DEPTOR: variants seen among roughly 807,000 people sequenced by gnomAD.
The protein encoded by DEPTOR is DEP domain containing MTOR interacting protein.
In DEPTOR, 41 loss-of-function variants were observed where a neutral mutation model predicts 41.6. The ratio of observed to expected loss-of-function variants is 0.98; its 90% CI spans 0.77 to 1.28. The LOEUF (loss-of-function observed/expected upper bound fraction) is 1.28. Among genes scored for constraint, DEPTOR ranks in the 50% most tolerant of loss-of-function variants. The pLI is 0.00. For missense variants in DEPTOR, 514 were observed against 527.9 expected, an observed-to-expected ratio of 0.97 and a Z score of 0.26; for synonymous variants, 195 against 192.3, an observed-to-expected ratio of 1.01 and a Z score of -0.12.
At chr8:120,002,938 A>G (rs1812376659) in intron 5 of DEPTOR, 39 bp from the exon 6 acceptor site, 24 of 1,542,498 alleles carry the variant, frequency 1.6e-5, no homozygotes, top group Non-Finnish European at 2.1e-5. Flanking sequence ...AGCCGAGACC[A>G]CCCCCTTGGT....
At chr8:119,918,493 T>C (rs905830861) in intron 1 of DEPTOR, among the ~76,000 whole-genome samples, 5 of 152,056 alleles carry the variant, frequency 3.3e-5, no homozygotes, top group Admixed American at 1.3e-4. Flanking sequence ...CAGATTTCAC[T>C]CTTGTTGCCC....
At chr8:119,916,283 T>G (rs1039296821) in intron 1 of DEPTOR, among the ~76,000 whole-genome samples, 24 of 146,742 alleles carry the variant, frequency 1.6e-4, no homozygotes, top group African/African-American at 3.0e-4. Context: ...TTTTTTTTTT[T>G]TTTTTTTTTT....
intron 3 of DEPTOR, among the ~76,000 whole-genome samples, chr8:119,935,448 C>T (rs10109920): frequency 0.049 from 7,402 of 152,188 alleles, 273 homozygotes; most frequent in South Asian, 0.15. Context: ...TGGCCAGACA[C>T]GGTGGCTCAC....
intron 8 of DEPTOR, among the ~76,000 whole-genome samples, chr8:120,014,709 G>A (rs1456130547): frequency 6.6e-6 from 1 of 151,834 alleles, no homozygotes; most frequent in Non-Finnish European, 1.5e-5. Flanking sequence ...TTTTAGTAGA[G>A]ACAGGGTTTC....
intron 4 of DEPTOR, among the ~76,000 whole-genome samples, chr8:120,001,283 C>G (rs1446368584): frequency 6.6e-6 from 1 of 152,104 alleles, no homozygotes; most frequent in African/African-American, 2.4e-5. Flanking sequence ...AAGAATAGAA[C>G]TCAGATTGAA....
rs765125398 is a variant in DEPTOR, at chr8:119,960,909, G to A, written c.426-4323G>A. On this transcript the variant is annotated intron_variant, in intron 3 of 8. Transcript: ENST00000286234. ...TAAGGCAGGATAATTGCCTGAATCC[G>A]GGAGGCGGAGGTTGCACTGAGATTG... Among the ~76,000 whole-genome samples, 4 of 151,974 alleles carry A rather than the reference G, an allele frequency of 2.6e-5. No individual in the cohort carries two copies. In the East Asian group the frequency reaches 7.7e-4, roughly 29 times the overall value.
chr8:120,006,283 G>A (rs1812436342), intron 6 of DEPTOR, among the ~76,000 whole-genome samples: 1 of 152,078 alleles, frequency 6.6e-6, no homozygotes, highest in Non-Finnish European at 1.5e-5. Context: ...CAGCACTTTG[G>A]GAGGCTGAGG....
At chr8:120,019,626 C>T (rs1225674287) in intron 8 of DEPTOR, among the ~76,000 whole-genome samples, 2 of 152,180 alleles carry the variant, frequency 1.3e-5, no homozygotes, top group Non-Finnish European at 2.9e-5. Context: ...GTGGTGTCTT[C>T]CTCATAGGGT....
At chr8:119,911,864 C>A (rs1460235113) in intron 1 of DEPTOR, among the ~76,000 whole-genome samples, 1 of 152,138 alleles carries the variant, frequency 6.6e-6, no homozygotes, top group Admixed American at 6.6e-5. Flanking sequence ...ACTATGGTTT[C>A]CTTCTGTCCA....
chr8:119,905,118 C>T (rs538650912), intron 1 of DEPTOR, among the ~76,000 whole-genome samples: 2 of 152,016 alleles, frequency 1.3e-5, no homozygotes, highest in African/African-American at 4.8e-5. Flanking sequence ...AGTGAATGCA[C>T]CTTTTACCTA....
In DEPTOR at chr8:119,928,474, C is replaced by T. The variant is rs571325842; in HGVS notation, c.197C>T (p.Ala66Val). ...HLKTYPNCFVAKELIDWLIEH... is the reference protein window; with the variant it reads ...HLKTYPNCFVVKELIDWLIEH... ...AAGACCTACCCAAACTGTTTTGTCG[C>T]AAAAGAACTGATTGACTGGCTGATT... The change falls in exon 2 of 9, where the codon GCA becomes GTA. Residue 66 changes from alanine (A) to valine (V), a missense_variant. Coordinates refer to ENST00000286234, the MANE Select transcript of DEPTOR (RefSeq NM_022783.4). 1 of 1,614,118 alleles carries T rather than the reference C, an allele frequency of 6.2e-7. No individual in the cohort carries two copies. The highest frequency in any genetic ancestry group is 8.5e-7 in the Non-Finnish European group (1 of 1,180,018).
chr8:119,936,002 T>G (rs918731531), intron 3 of DEPTOR, among the ~76,000 whole-genome samples: 2 of 147,596 alleles, frequency 1.4e-5, no homozygotes, highest in Admixed American at 1.3e-4. Context: ...TCTAGTTGTT[T>G]TTTTTTTTTT....
intron 1 of DEPTOR, among the ~76,000 whole-genome samples, chr8:119,889,633 A>AGGGGAGGGGAGGAT (rs1554670957): frequency 5.8e-5 from 1 of 17,154 alleles, no homozygotes; most frequent in East Asian, 6.9e-3. Flanking sequence ...AGGGAAGGGA[A>AGGGGAGGGGAGGAT]GGGGAGGGGA....
chr8:120,018,275 G>A (rs1234375454), intron 8 of DEPTOR, among the ~76,000 whole-genome samples: 1 of 152,128 alleles, frequency 6.6e-6, no homozygotes, highest in African/African-American at 2.4e-5. Context: ...CTGAAGTGAT[G>A]TTTTAAAAAT....
intron 1 of DEPTOR, among the ~76,000 whole-genome samples, chr8:119,911,712 G>A (rs1201970246): frequency 1.3e-5 from 2 of 152,196 alleles, no homozygotes; most frequent in African/African-American, 2.4e-5. Context: ...ACACACACGG[G>A]TAGTCCAAAT....
intron 1 of DEPTOR, among the ~76,000 whole-genome samples, chr8:119,910,665 T>C (rs1298601039): frequency 6.6e-6 from 1 of 152,100 alleles, no homozygotes; most frequent in East Asian, 1.9e-4. Context: ...GGTCTCGAAC[T>C]CCTGACTTCA....
chr8:120,048,357 A>G (rs1813184034), intron 8 of DEPTOR, among the ~76,000 whole-genome samples: 1 of 152,180 alleles, frequency 6.6e-6, no homozygotes, highest in Non-Finnish European at 1.5e-5. Context: ...TAAATTGCAA[A>G]TTACTGCTAA....
chr8:119,980,576 G>T (rs1201779988), intron 4 of DEPTOR, among the ~76,000 whole-genome samples: 1 of 147,954 alleles, frequency 6.8e-6, no homozygotes, highest in Non-Finnish European at 1.5e-5. Flanking sequence ...GGAGTGCAAT[G>T]GTACAATCTC....
At position 119,874,238 on chromosome 8, in the gene DEPTOR, G is replaced by T. The variant is rs1827203641; in HGVS notation, c.122+270G>T. 5 of 469,886 alleles carry T rather than the reference G, an allele frequency of 1.1e-5. No homozygotes were observed. In the South Asian group the frequency reaches 1.4e-4, roughly 13 times the overall value. The allele number at this position is 469,886 out of a possible 1,614,324, so 29.1% of individuals were successfully genotyped here. A position where few individuals can be genotyped will look rare whatever the true frequency, so the allele number is the denominator to read the frequency against. Reference sequence around the variant, plus strand: ...CCTAGCCTGGCTGCTGCAGTCCTGTGCCGGGCAAAGTCCCTGCCACCCACC... The same window carrying T: ...CCTAGCCTGGCTGCTGCAGTCCTGTTCCGGGCAAAGTCCCTGCCACCCACC... On this transcript the variant is annotated intron_variant, in intron 1 of 8. Transcript: ENST00000286234.
Sources: allele counts gnomAD v4.1 joint callset (sites outside exome capture counted in the v4.1 genomes callset), GRCh38; gene constraint gnomAD v4.1.1; transcripts MANE v1.5; gene names NCBI Gene and HGNC (gene_info 2026-07-23, HGNC 2026-07-21).